Variants in FER observed in about 807,000 individuals in gnomAD.
FER encodes FER tyrosine kinase.
Under a neutral mutation model 111.0 loss-of-function variants are expected in FER, and 63 were observed. The ratio of observed to expected loss-of-function variants is 0.57; its 90% CI spans 0.46 to 0.70. FER has a LOEUF of 0.70. Ranked by LOEUF, FER falls within the 30% of genes least tolerant of loss-of-function variation. FER has a pLI of 0.00. For missense variants in FER, 914 were observed against 954.0 expected (o/e 0.96, Z 0.55); for synonymous variants, 327 against 313.9 (o/e 1.04, Z -0.44).
At chr5:108,989,157 G>T (rs892826649) in intron 13 of FER, among the ~76,000 whole-genome samples, 3 of 151,910 alleles carry the variant, frequency 2.0e-5, no homozygotes, top group Admixed American at 6.6e-5. Context: ...CCAGGAGTCA[G>T]TCCTACTGAA....
At position 109,180,692 on chromosome 5, in the gene FER, A is replaced by G. The variant is rs561876754; in HGVS notation, c.2049-55A>G. 72 of 1,540,798 alleles carry G rather than the reference A, an allele frequency of 4.7e-5. No individual in the cohort carries two copies. In the East Asian group the frequency reaches 9.8e-4, roughly 21 times the overall value. ...GCAAAGTGTGGAAATCATAAATGTGAAAGTGGCTTTCAATTTGTTTTAATA... is the reference window on the plus strand; with the variant it reads ...GCAAAGTGTGGAAATCATAAATGTGGAAGTGGCTTTCAATTTGTTTTAATA... On this transcript the variant is annotated intron_variant, in intron 17 of 19. Coordinates refer to ENST00000281092, the MANE Select transcript of FER (RefSeq NM_005246.4).
intron 10 of FER, among the ~76,000 whole-genome samples, chr5:108,924,127 C>T (rs1393177439): frequency 4.6e-5 from 7 of 151,924 alleles, no homozygotes; most frequent in South Asian, 2.1e-4. Context: ...GAGGCCGAGG[C>T]GGGCGGATCA....
chr5:109,124,199 C>T (rs1185744818), intron 17 of FER, among the ~76,000 whole-genome samples: 1 of 152,202 alleles, frequency 6.6e-6, no homozygotes, highest in Admixed American at 6.5e-5. Context: ...TGCACCCCAG[C>T]CTGGGCAACA....
intron 2 of FER, chr5:108,785,440 C>T: frequency 1.7e-6 from 1 of 580,480 alleles, no homozygotes; most frequent in Non-Finnish European, 3.4e-6. Context: ...GTACTGGCAG[C>T]AAGGCAGAAC....
intron 13 of FER, among the ~76,000 whole-genome samples, chr5:108,998,299 T>C (rs1028777566): frequency 6.6e-6 from 1 of 151,900 alleles, no homozygotes; most frequent in African/African-American, 2.4e-5. Flanking sequence ...GGGAATCTCC[T>C]GGTCTGCGGA....
chr5:108,974,525 A>G (rs1188459553), intron 13 of FER, among the ~76,000 whole-genome samples: 1 of 152,194 alleles, frequency 6.6e-6, no homozygotes, highest in African/African-American at 2.4e-5. Context: ...GAGGCATGGT[A>G]GATAGAATAA....
rs369996163 is a variant in FER at position 109,194,270 on chromosome 5, A to G, written c.*6695A>G. 2 of 152,168 alleles carry G rather than the reference A, an allele frequency of 1.3e-5. No homozygotes were observed. The highest frequency in any genetic ancestry group is 1.9e-4 in the East Asian group (1 of 5,196). The allele number at this position is 152,168 out of a possible 1,614,324, so 9.4% of individuals were successfully genotyped here. A position where few individuals can be genotyped will look rare whatever the true frequency, so the allele number is the denominator to read the frequency against. On this transcript the variant is annotated 3_prime_UTR_variant, in exon 20 of 20. Coordinates refer to ENST00000281092, the MANE Select transcript of FER (RefSeq NM_005246.4). Reference sequence around the variant, plus strand: ...GCAGCAAATGTCTGAAAGTATTTCAATTGTGTAATGTTAAGGAGTTTTTTC... The same window carrying G: ...GCAGCAAATGTCTGAAAGTATTTCAGTTGTGTAATGTTAAGGAGTTTTTTC...
chr5:109,003,532 A>G (rs562248629), intron 13 of FER, among the ~76,000 whole-genome samples: 226 of 152,262 alleles, frequency 1.5e-3, no homozygotes, highest in African/African-American at 5.2e-3. Context: ...CGAGTTTATG[A>G]GTGCAGCACA....
Position 109,187,595 on chromosome 5 carries a change from T to G in FER, c.*20T>G, listed in dbSNP as rs994173251. 1 of 1,613,832 alleles carries G rather than the reference T, an allele frequency of 6.2e-7. No homozygotes were observed. The highest frequency in any genetic ancestry group is 1.7e-5 in the Admixed American group (1 of 60,002). On this transcript the variant is annotated 3_prime_UTR_variant, in exon 20 of 20. Coordinates refer to ENST00000281092, the MANE Select transcript of FER (RefSeq NM_005246.4). ...ACATAGTGACAGGATGGCGCCAAAC[T>G]CAGCCTTCAGGACTCTGTCCTCCAG...
At chr5:108,981,239 G>C (rs995986224) in intron 13 of FER, among the ~76,000 whole-genome samples, 6 of 151,840 alleles carry the variant, frequency 4.0e-5, no homozygotes, top group Non-Finnish European at 8.8e-5. Context: ...ATAGGAAAAA[G>C]TCAGAGCATA....
At chr5:108,953,866 A>G (rs921572993) in intron 11 of FER, among the ~76,000 whole-genome samples, 8 of 152,082 alleles carry the variant, frequency 5.3e-5, no homozygotes, top group African/African-American at 1.9e-4. Context: ...TATCTGGAGC[A>G]GTTTAGTTCC....
At chr5:109,131,412 AT>A (rs1230979779) in intron 17 of FER, among the ~76,000 whole-genome samples, 14 of 152,150 alleles carry the variant, frequency 9.2e-5, no homozygotes, top group Admixed American at 4.6e-4. Flanking sequence ...GTAGCATAAG[AT>A]TTTTTCCCCT....
At chr5:108,782,471 G>T (rs1754197370) in intron 2 of FER, among the ~76,000 whole-genome samples, 1 of 151,964 alleles carries the variant, frequency 6.6e-6, no homozygotes, top group Non-Finnish European at 1.5e-5. Flanking sequence ...TACTTTTGAT[G>T]AGGTCCATTT....
At chr5:108,752,197 T>A (rs1561364243) in intron 1 of FER, among the ~76,000 whole-genome samples, 1 of 152,068 alleles carries the variant, frequency 6.6e-6, no homozygotes, top group Admixed American at 6.5e-5. Flanking sequence ...AAATCAAGGC[T>A]CCAATTTTCC....
chr5:108,844,123 TA>T (rs1761617041), intron 5 of FER, among the ~76,000 whole-genome samples: 1 of 134,852 alleles, frequency 7.4e-6, no homozygotes, highest in African/African-American at 2.8e-5. Context: ...TGTGAACACA[TA>T]TATGTGTGTG....
chr5:109,095,601 G>A (rs1402182975), intron 16 of FER, among the ~76,000 whole-genome samples: 2 of 152,004 alleles, frequency 1.3e-5, no homozygotes, highest in Non-Finnish European at 2.9e-5. Context: ...CCTATTGTAT[G>A]AAATCTATTC....
At chr5:108,972,884 ACTTT>A (rs1760852251) in intron 13 of FER, among the ~76,000 whole-genome samples, 1 of 152,148 alleles carries the variant, frequency 6.6e-6, no homozygotes, top group Non-Finnish European at 1.5e-5. Context: ...ACAGTAATTT[ACTTT>A]CTATTTTTAA....
At chr5:109,117,780 G>A (rs7729814) in intron 17 of FER, among the ~76,000 whole-genome samples, 6,430 of 151,196 alleles carry the variant, frequency 0.043, 203 homozygotes, top group Middle Eastern at 0.092. Context: ...ATTGTGAATG[G>A]GAGTTCACTC....
intron 10 of FER, among the ~76,000 whole-genome samples, chr5:108,917,209 G>GC (rs1408773812): frequency 1.3e-5 from 2 of 152,036 alleles, no homozygotes; most frequent in African/African-American, 4.8e-5. Flanking sequence ...ATACCTATGT[G>GC]CTTTCTAGCA....
Sources: gnomAD v4.1 joint callset for allele counts (sites outside exome capture counted in the v4.1 genomes callset) on GRCh38, gnomAD v4.1.1 for gene constraint, MANE v1.5 for transcripts, NCBI Gene and HGNC (gene_info 2026-07-23, HGNC 2026-07-21) for gene names.